Variants in TAF7L observed in about 807,000 individuals in gnomAD.
TAF7L encodes transcription initiation factor TFIID subunit 7-like.
Under a neutral mutation model 30.2 loss-of-function variants are expected in TAF7L, and 6 were observed. That is an observed-to-expected ratio of 0.20 (90% CI 0.11 to 0.39). The LOEUF is 0.39. TAF7L is among the 10% of genes least tolerant of loss of function. The pLI is 1.00. For missense variants in TAF7L, 284 were observed against 277.1 expected, an observed-to-expected ratio of 1.03 and a Z score of -0.18; for synonymous variants, 93 against 94.5, an observed-to-expected ratio of 0.98 and a Z score of 0.09.
intron 12 of TAF7L, among the ~76,000 whole-genome samples, chrX:101,269,449 A>G (rs57195826): frequency 0.34 from 38,248 of 111,020 alleles, 4,782 homozygotes; most frequent in Middle Eastern, 0.39. Flanking sequence ...ATTATGCCCA[A>G]TTTATGAAGA....
chrX:101,289,616 GT>G (rs1292930839), intron 1 of TAF7L, among the ~76,000 whole-genome samples: 1 of 110,932 alleles, frequency 9.0e-6, no homozygotes, highest in Non-Finnish European at 1.9e-5. Flanking sequence ...TTTTGCTCTT[GT>G]TGACCCCAGG....
Position 101,269,124 on chromosome X carries a change from G to T in TAF7L, c.*69C>A. On this transcript the variant is annotated 3_prime_UTR_variant, in exon 13 of 13. Transcript: ENST00000356784. ...AAGGCAACTGAAGGGACAAAAACGT[G>T]CACAGTTTCATCCAATCTGCAGTCT... The T allele has an allele frequency of 9.9e-7, 1 of 1,008,229 alleles. No homozygotes were observed. The highest frequency in any genetic ancestry group is 1.4e-6 in the Non-Finnish European group (1 of 717,958). 83.1% of individuals were successfully genotyped at this position (1,008,229 alleles called of 1,213,427 possible).
At position 101,286,599 on chromosome X, in the gene TAF7L, C is replaced by A; in HGVS notation, c.121G>T (p.Asp41Tyr). The change falls in exon 3 of 13, where the codon GAT (aspartate) becomes TAT (tyrosine). Residue 41 changes from aspartate (D) to tyrosine (Y), a missense_variant. Physicochemically the swap from Asp to Tyr is radical, Grantham distance 160. Transcript: ENST00000356784. Reference sequence around the variant, plus strand: ...CGCAATAAGTCAATTTTTAGTTTATCCTTCATCTTGACACTTTGAGAACGT... The same window carrying A: ...CGCAATAAGTCAATTTTTAGTTTATACTTCATCTTGACACTTTGAGAACGT... ...LARSQSVKMK[D>Y]KLKIDLLPDG... is the part of the protein sequence containing the mutation. 8.3e-7 allele frequency: 1 copy of A among 1,208,059 alleles called. No individual in the cohort carries two copies.
intron 3 of TAF7L, among the ~76,000 whole-genome samples, chrX:101,286,228 T>C (rs1043301310): frequency 1.8e-4 from 19 of 107,796 alleles, no homozygotes; most frequent in African/African-American, 6.4e-4. Context: ...AAGAAATACA[T>C]GTCACCTTTA....
chrX:101,278,041 A>G lies in TAF7L; in HGVS notation c.577+8T>C, dbSNP rs1385194270. On this transcript the variant is annotated splice_region_variant and intron_variant, in intron 8 of 12. Transcript: ENST00000356784. ...AGACTATGCAGAAAATATTTGTATA[A>G]AGGATACGGGTACTTACGGCTTCAG... 8.3e-7 allele frequency: 1 copy of G among 1,202,414 alleles called. No homozygotes were observed. The highest frequency in any genetic ancestry group is 1.8e-5 in the African/African-American group (1 of 57,043).
intron 12 of TAF7L, among the ~76,000 whole-genome samples, chrX:101,272,092 G>C (rs768855259): frequency 9.0e-6 from 1 of 111,251 alleles, no homozygotes; most frequent in Non-Finnish European, 1.9e-5. Context: ...CTTTAAAATT[G>C]TAACCCTCAA....
chrX:101,275,910 AC>A (rs1924150478), intron 11 of TAF7L, 89 bp downstream of exon 11: 5 of 642,053 alleles, frequency 7.8e-6, no homozygotes, highest in Non-Finnish European at 1.2e-5. Context: ...ATGAACAAGA[AC>A]CCTGCACAGA....
chrX:101,291,329 G>A lies in TAF7L; in HGVS notation c.-108C>T, dbSNP rs1488956713. ...GTGGGCTCCCGCGCGGAACGTAGAG[G>A]CGAACGCTGGGCTGCCGGCGCCTGG... On this transcript the variant is annotated 5_prime_UTR_variant, in exon 1 of 13. Coordinates refer to ENST00000356784, the MANE Select transcript of TAF7L (RefSeq NM_001168474.2). The A allele has an allele frequency of 1.3e-6, 1 of 750,197 alleles. No individual in the cohort carries two copies. The highest frequency in any genetic ancestry group is 1.6e-6 in the Non-Finnish European group (1 of 636,244). 61.8% of individuals were successfully genotyped at this position (750,197 alleles called of 1,213,427 possible).
intron 8 of TAF7L, 77 bp downstream of exon 8, chrX:101,277,972 C>A: frequency 1.1e-6 from 1 of 907,137 alleles, no homozygotes; most frequent in Non-Finnish European, 1.6e-6. Flanking sequence ...GGCACACAAA[C>A]ACCAGAGGTG....
intron 11 of TAF7L, 87 bp downstream of exon 11, chrX:101,275,913 C>A (rs1924150944): frequency 1.5e-6 from 1 of 662,466 alleles, no homozygotes. Flanking sequence ...AACAAGAACC[C>A]TGCACAGAGA....
At chrX:101,288,209 T>C (rs1924674872) in intron 1 of TAF7L, among the ~76,000 whole-genome samples, 1 of 108,064 alleles carries the variant, frequency 9.3e-6, no homozygotes, top group Admixed American at 1.0e-4. Context: ...TGGTGCGATC[T>C]CGGCTCACTG....
At chrX:101,276,267 C>A in intron 10 of TAF7L, 40 bp downstream of exon 10, 1 of 1,208,420 alleles carries the variant, frequency 8.3e-7, no homozygotes, top group Non-Finnish European at 1.1e-6. Flanking sequence ...TTAGCACTGC[C>A]ACCCACCCTG....
Position 101,278,058 on chromosome X carries a change from C to T in TAF7L, c.568G>A (p.Val190Ile), listed in dbSNP as rs1924275571. ...TTTGTATAAAGGATACGGGTACTTA[C>T]GGCTTCAGCATCCGAACGCAGCAGT... ...KRLLRSDAEA[V>I]STRWEVIAED... is the part of the protein sequence containing the mutation. Residue 190 changes from valine to isoleucine, a missense_variant, in exon 8 of 13, where the codon GTA (valine) becomes ATA (isoleucine). Val to Ile is a conservative substitution (Grantham distance 29). Transcript: ENST00000356784. 4.1e-6 allele frequency: 5 copies of T among 1,207,611 alleles called. No homozygotes were observed. The highest frequency in any genetic ancestry group is 1.8e-5 in the South Asian group (1 of 56,753).
chrX:101,292,552 A>G (rs966306685), upstream of TAF7L, among the ~76,000 whole-genome samples: 1 of 107,402 alleles, frequency 9.3e-6, no homozygotes, highest in African/African-American at 3.4e-5. Context: ...CAAACACGCC[A>G]CCGTGCAAAC....
rs978440413 is a variant in TAF7L at position 101,291,226 on chromosome X, G to A, written c.-5C>T. 3 of 751,603 alleles carry A rather than the reference G, an allele frequency of 4.0e-6. No individual in the cohort carries two copies. The highest frequency in any genetic ancestry group is 3.1e-6 in the Non-Finnish European group (2 of 636,804). The allele number at this position is 751,603 out of a possible 1,213,427, so 61.9% of individuals were successfully genotyped here. ...GCCCGGTCGGCCGCCCGACTCACCC[G>A]CTCCTCCGGGAACTGGCGCCGACAC... On this transcript the variant is annotated splice_region_variant and 5_prime_UTR_variant, in exon 1 of 13. Coordinates refer to ENST00000356784, the MANE Select transcript of TAF7L (RefSeq NM_001168474.2).
intron 1 of TAF7L, among the ~76,000 whole-genome samples, chrX:101,289,222 C>A (rs1057403994): frequency 8.9e-6 from 1 of 112,006 alleles, no homozygotes; most frequent in African/African-American, 3.2e-5. Flanking sequence ...TTGCAAATGA[C>A]AGAATTTCCT....
At chrX:101,292,769 C>T (rs376971936), upstream of TAF7L, 18 of 1,196,887 alleles carry the variant, frequency 1.5e-5, no homozygotes, top group South Asian at 3.6e-5. Flanking sequence ...GCTGGGGGAA[C>T]AAGCTTAAAA....
intron 12 of TAF7L, 56 bp downstream of exon 12, chrX:101,275,166 G>A: frequency 1.1e-6 from 1 of 872,983 alleles, no homozygotes; most frequent in Non-Finnish European, 1.7e-6. Context: ...TGGAATTGAA[G>A]TGGGGGATTC....
At position 101,269,144 on chromosome X, in the gene TAF7L, C is replaced by T. The variant is rs1411621729; in HGVS notation, c.*49G>A. The stretch of plus-strand genomic sequence containing the variant: ...AACGTGCACAGTTTCATCCAATCTG[C>T]AGTCTGGATGGTGAATCCAAGGTTT... On this transcript the variant is annotated 3_prime_UTR_variant, in exon 13 of 13. Transcript: ENST00000356784. 15 of 1,129,957 alleles carry T rather than the reference C, an allele frequency of 1.3e-5. No individual in the cohort carries two copies. Among genetic ancestry groups the T allele is most frequent in the Middle Eastern group, 2.4e-4 (1 of 4,161 alleles). The allele number at this position is 1,129,957 out of a possible 1,213,427, so 93.1% of individuals were successfully genotyped here.
Sources: gnomAD v4.1 joint callset for allele counts (sites outside exome capture counted in the v4.1 genomes callset) on GRCh38, gnomAD v4.1.1 for gene constraint, MANE v1.5 for transcripts, NCBI Gene and HGNC (gene_info 2026-07-23, HGNC 2026-07-21) for gene names.